GABRB2: variants seen among roughly 807,000 people sequenced by gnomAD.
The protein encoded by GABRB2 is gamma-aminobutyric acid receptor subunit beta-2.
In GABRB2, 16 loss-of-function variants were observed where a neutral mutation model predicts 54.7. That is an observed-to-expected ratio of 0.29 (90% CI 0.20 to 0.44). GABRB2 has a LOEUF of 0.44. Ranked by LOEUF, GABRB2 falls within the 20% of genes least tolerant of loss-of-function variation. The pLI is 1.00. For synonymous variants in GABRB2, 244 were observed against 233.8 expected (o/e 1.04, Z -0.40); for missense variants, 355 against 644.0 (o/e 0.55, Z 4.86).
rs113072593 is a variant in GABRB2, at chr5:161,315,290, T to G, written c.1191+11078A>C. ...CAATTGAAAGAAAATTAGTCATAGTTAAGTCTTTCACTCTTTGCAGGGCAG... is the reference window on the plus strand; with the variant it reads ...CAATTGAAAGAAAATTAGTCATAGTGAAGTCTTTCACTCTTTGCAGGGCAG... On this transcript the variant is annotated intron_variant, in intron 9 of 9. Transcript: ENST00000393959. Among the ~76,000 whole-genome samples the G allele has an allele frequency of 3.6e-3, 542 of 152,298 alleles. 5 individuals are homozygous for G. The highest frequency in any genetic ancestry group is 0.012 in the African/African-American group (505 of 41,558).
At chr5:161,476,148 G>A (rs549367877) in intron 3 of GABRB2, among the ~76,000 whole-genome samples, 83 of 151,880 alleles carry the variant, frequency 5.5e-4, no homozygotes, top group African/African-American at 2.0e-3. Context: ...AACTAACGAT[G>A]AGAAATACAA....
chr5:161,444,475 C>G (rs114930549), intron 4 of GABRB2, among the ~76,000 whole-genome samples: 2,842 of 152,254 alleles, frequency 0.019, 39 homozygotes, highest in Middle Eastern at 0.078. Flanking sequence ...TACCACAGTA[C>G]AATTCCCTCT....
intron 7 of GABRB2, among the ~76,000 whole-genome samples, chr5:161,332,165 C>CAAAAAAAAAAA (rs5872708): frequency 1.4e-5 from 1 of 69,452 alleles, no homozygotes; most frequent in African/African-American, 5.5e-5. Context: ...GACTCCGTCT[C>CAAAAAAAAAAA]AAAAAAAAAA....
At position 161,294,573 on chromosome 5, in the gene GABRB2, T is replaced by C. The variant is rs1176011331; in HGVS notation, c.1192-145A>G. 4.7e-6 allele frequency: 3 copies of C among 640,642 alleles called. No individual in the cohort carries two copies. The African/African-American group carries it at 5.5e-5, about 12-fold the overall frequency. 39.7% of individuals were successfully genotyped at this position (640,642 alleles called of 1,614,324 possible). Reference sequence around the variant, plus strand: ...TGCGATTACATTACCAAAGTCTGAATTGAGACTCTACCACTAAAGCTATTT... The same window carrying C: ...TGCGATTACATTACCAAAGTCTGAACTGAGACTCTACCACTAAAGCTATTT... On this transcript the variant is annotated intron_variant, in intron 9 of 9. Coordinates refer to ENST00000393959, the MANE Select transcript of GABRB2 (RefSeq NM_001371727.1).
At chr5:161,307,451 G>A (rs1757722208) in intron 9 of GABRB2, among the ~76,000 whole-genome samples, 1 of 152,168 alleles carries the variant, frequency 6.6e-6, no homozygotes. Flanking sequence ...GAATTCCAGT[G>A]TAGATAAGAC....
chr5:161,477,925 TCA>T (rs995521732), intron 3 of GABRB2, among the ~76,000 whole-genome samples: 3 of 152,036 alleles, frequency 2.0e-5, no homozygotes, highest in Non-Finnish European at 4.4e-5. Flanking sequence ...TGTAAACTGT[TCA>T]CTTTTAAAAA....
intron 3 of GABRB2, among the ~76,000 whole-genome samples, chr5:161,530,555 C>A (rs1282452977): frequency 6.6e-6 from 1 of 151,962 alleles, no homozygotes; most frequent in African/African-American, 2.4e-5. Flanking sequence ...TGTTACAAAG[C>A]AATTGGAAAA....
At chr5:161,358,173 A>G (rs572205273) in intron 5 of GABRB2, among the ~76,000 whole-genome samples, 1 of 152,212 alleles carries the variant, frequency 6.6e-6, no homozygotes, top group South Asian at 2.1e-4. Flanking sequence ...GAAACCTATT[A>G]AGAGTATGGT....
chr5:161,294,693 C>A (rs550190847), intron 9 of GABRB2, among the ~76,000 whole-genome samples: 4 of 152,274 alleles, frequency 2.6e-5, no homozygotes, highest in African/African-American at 9.6e-5. Flanking sequence ...TTGCTAGTAT[C>A]ATTTTCATTA....
intron 3 of GABRB2, among the ~76,000 whole-genome samples, chr5:161,482,002 C>G (rs1418777691): frequency 6.6e-6 from 1 of 151,886 alleles, no homozygotes; most frequent in Non-Finnish European, 1.5e-5. Flanking sequence ...AAATTGAAAC[C>G]CTGAAACTTG....
intron 4 of GABRB2, chr5:161,459,395 T>G (rs1452506732): frequency 1.8e-6 from 1 of 557,848 alleles, no homozygotes; most frequent in African/African-American, 1.9e-5. Flanking sequence ...AGCTTTAGGA[T>G]CAGCAGCTGA....
chr5:161,503,293 T>A (rs1458263490), intron 3 of GABRB2, among the ~76,000 whole-genome samples: 2 of 151,248 alleles, frequency 1.3e-5, no homozygotes, highest in African/African-American at 4.9e-5. Flanking sequence ...AAGTAGAAAT[T>A]CTAGAATTGA....
intron 4 of GABRB2, among the ~76,000 whole-genome samples, chr5:161,430,345 C>T (rs1757141316): frequency 6.6e-6 from 1 of 152,086 alleles, no homozygotes; most frequent in South Asian, 2.1e-4. Flanking sequence ...ATTATTTTTT[C>T]ATCACAGCCT....
At chr5:161,382,505 T>C (rs559328161) in intron 5 of GABRB2, among the ~76,000 whole-genome samples, 2 of 151,392 alleles carry the variant, frequency 1.3e-5, no homozygotes, top group Admixed American at 6.6e-5. Context: ...ATAACACTTC[T>C]GTTAAAAAAA....
intron 9 of GABRB2, among the ~76,000 whole-genome samples, chr5:161,309,750 C>A (rs1042109771): frequency 6.6e-6 from 1 of 151,830 alleles, no homozygotes; most frequent in Non-Finnish European, 1.5e-5. Context: ...CCTGCCTCAG[C>A]CTCCTGAGTA....
intron 3 of GABRB2, among the ~76,000 whole-genome samples, chr5:161,536,782 G>A (rs1760650652): frequency 6.6e-6 from 1 of 152,052 alleles, no homozygotes; most frequent in Non-Finnish European, 1.5e-5. Flanking sequence ...ATTTTTATTA[G>A]AGACGGGGTT....
chr5:161,526,153 T>C (rs1760271998), intron 3 of GABRB2, among the ~76,000 whole-genome samples: 1 of 151,446 alleles, frequency 6.6e-6, no homozygotes, highest in Admixed American at 6.6e-5. Flanking sequence ...TTTCTGGAAA[T>C]CTTGAACTTC....
intron 9 of GABRB2, among the ~76,000 whole-genome samples, chr5:161,325,214 TA>T (rs1341774331): frequency 6.6e-6 from 1 of 152,008 alleles, no homozygotes; most frequent in Non-Finnish European, 1.5e-5. Flanking sequence ...CAAGCGTAAC[TA>T]AAGTTAAAAA....
chr5:161,336,870 A>G, intron 5 of GABRB2, 101 bp from the exon 6 acceptor site: 2 of 1,202,496 alleles, frequency 1.7e-6, no homozygotes, highest in South Asian at 1.5e-5. Flanking sequence ...GATGACCTAT[A>G]TAAATAATAT....
Sources: allele counts gnomAD v4.1 joint callset (sites outside exome capture counted in the v4.1 genomes callset), GRCh38; gene constraint gnomAD v4.1.1; transcripts MANE v1.5; gene names NCBI Gene and HGNC (gene_info 2026-07-23, HGNC 2026-07-21).